Variants in KRT86 observed in about 807,000 individuals in gnomAD.
KRT86 encodes the protein keratin 86, also known as keratin, type II cuticular Hb6.
KRT86 carries 30 observed loss-of-function variants against 41.2 expected under a neutral mutation model. The observed-to-expected ratio is 0.73, with a 90% confidence interval of 0.54 to 0.99. The LOEUF (loss-of-function observed/expected upper bound fraction) is 0.99. Among genes scored for constraint, KRT86 ranks in the 50% least tolerant of loss-of-function variants. The pLI is 0.00. For missense variants in KRT86, 561 were observed against 571.4 expected (o/e 0.98, Z 0.19); for synonymous variants, 238 against 238.1 (o/e 1.00, Z 0.00).
chr12:52,280,275 C>T (rs1450973811), intron 2 of KRT86, among the ~76,000 whole-genome samples: 1 of 152,116 alleles, frequency 6.6e-6, no homozygotes, highest in Non-Finnish European at 1.5e-5. Flanking sequence ...CGAGTTTTTA[C>T]AAGGCATTGG....
intron 2 of KRT86, chr12:52,279,239 C>G (rs760495414): frequency 6.6e-6 from 1 of 152,366 alleles, no homozygotes. Context: ...CTTCCCGCCT[C>G]CCTCCGGAGA....
At chr12:52,307,737 G>A (rs1938548988) in intron 9 of KRT86, among the ~76,000 whole-genome samples, 1 of 152,198 alleles carries the variant, frequency 6.6e-6, no homozygotes, top group African/African-American at 2.4e-5. Flanking sequence ...TTTAGGTGGT[G>A]CAGGAAGGAA....
At chr12:52,301,866 C>T in intron 2 of KRT86, 47 bp from the exon 3 acceptor site, 2 of 1,613,640 alleles carry the variant, frequency 1.2e-6, no homozygotes, top group Non-Finnish European at 1.7e-6. Flanking sequence ...ACTGTGCTCT[C>T]CATTCGGACG....
At chr12:52,301,306 G>A (rs1938367614) in intron 2 of KRT86, among the ~76,000 whole-genome samples, 1 of 152,030 alleles carries the variant, frequency 6.6e-6, no homozygotes, top group Non-Finnish European at 1.5e-5. Context: ...TTTGGGAGTA[G>A]GTGTGGAGGA....
chr12:52,308,538 C>T lies in KRT86; in HGVS notation c.1414C>T (p.Pro472Ser). ...GGTGGGCACTACTAACGCCTGCGCC[C>T]CCTCCGCCCGGGTTGGCGTCTGCGG... ...VVVGTTNACA[P>S]SARVGVCGGS... Residue 472 changes from proline to serine, a missense_variant, in exon 11 of 11, where the codon CCC (proline) becomes TCC (serine). Physicochemically the swap from Pro to Ser is moderately conservative, Grantham distance 74. Coordinates refer to ENST00000423955, the MANE Select transcript of KRT86 (RefSeq NM_001320198.2). 6.2e-7 allele frequency: 1 copy of T among 1,601,980 alleles called. No homozygotes were observed. Among genetic ancestry groups the T allele is most frequent in the Non-Finnish European group, 8.5e-7 (1 of 1,179,820 alleles).
chr12:52,288,825 C>T (rs1332715906), intron 2 of KRT86, among the ~76,000 whole-genome samples: 10 of 152,086 alleles, frequency 6.6e-5, no homozygotes, highest in Non-Finnish European at 1.2e-4. Flanking sequence ...TTCTCCATCC[C>T]CCCTTAGACC....
intron 2 of KRT86, among the ~76,000 whole-genome samples, chr12:52,284,380 G>T (rs1481967966): frequency 2.6e-5 from 4 of 152,130 alleles, no homozygotes; most frequent in Non-Finnish European, 5.9e-5. Context: ...TATAGAGATA[G>T]AGTCTCACTG....
chr12:52,308,277 G>T lies in KRT86; in HGVS notation c.1279+13G>T, dbSNP rs759670371. The stretch of plus-strand genomic sequence containing the variant: ...TCGGTGAATGTCTGTAAGTAGTGGG[G>T]TCCGTCCCCTCCTCCCGCTGGGCGG... On this transcript the variant is annotated intron_variant, in intron 10 of 10. Transcript: ENST00000423955. 3 of 1,614,184 alleles carry T rather than the reference G, an allele frequency of 1.9e-6. No individual in the cohort carries two copies. The African/African-American group carries it at 4.0e-5, about 21-fold the overall frequency.
intron 2 of KRT86, among the ~76,000 whole-genome samples, chr12:52,295,351 AAGGCTC>A (rs1245854725): frequency 1.3e-5 from 2 of 152,162 alleles, no homozygotes; most frequent in African/African-American, 4.8e-5. Flanking sequence ...TAGGGAGGTT[AAGGCTC>A]AGGTTGCATG....
chr12:52,286,279 G>A (rs200814913), intron 2 of KRT86: 36 of 1,553,960 alleles, frequency 2.3e-5, no homozygotes, highest in South Asian at 2.0e-4. Flanking sequence ...AGCTGCTGCC[G>A]CAAGACCCCA....
intron 2 of KRT86, chr12:52,287,633 T>A (rs1312828246): frequency 6.2e-7 from 1 of 1,613,846 alleles, no homozygotes; most frequent in African/African-American, 1.3e-5. Flanking sequence ...CGTCAGCCTT[T>A]GGATCATGCG....
rs777336849 is a variant in KRT86, at chr12:52,304,971, G to A, written c.679G>A (p.Ala227Thr). Reference sequence around the variant, plus strand: ...CTACCTCCGCAAATCAGACCTGGAGGCCAATGTGGAGGCCCTGATCCAGGA... The same window carrying A: ...CTACCTCCGCAAATCAGACCTGGAGACCAATGTGGAGGCCCTGATCCAGGA... ...CAYLRKSDLE[A>T]NVEALIQEID... Residue 227 changes from alanine to threonine, a missense_variant, in exon 6 of 11, where the codon GCC becomes ACC. Around this residue, in one of 3 missense-constraint regions of KRT86, gnomAD observed 397 missense variants for 375.9 expected, o/e 1.06. Coordinates refer to ENST00000423955, the MANE Select transcript of KRT86 (RefSeq NM_001320198.2). The A allele has an allele frequency of 6.2e-7, 1 of 1,614,172 alleles. No homozygotes were observed. Among genetic ancestry groups the A allele is most frequent in the Non-Finnish European group, 8.5e-7 (1 of 1,180,030 alleles).
intron 2 of KRT86, chr12:52,287,065 G>A: frequency 1.2e-6 from 2 of 1,612,530 alleles, no homozygotes; most frequent in East Asian, 2.2e-5. Context: ...CCAGGGATGG[G>A]GAAGGGTGGT....
intron 2 of KRT86, chr12:52,291,120 T>G: frequency 1.2e-6 from 1 of 860,506 alleles, no homozygotes; most frequent in Non-Finnish European, 1.7e-6. Context: ...GCCGCGAACC[T>G]GCTGTTGAGG....
At chr12:52,306,653 C>G in intron 9 of KRT86, 1 of 388,052 alleles carries the variant, frequency 2.6e-6, no homozygotes, top group Non-Finnish European at 4.8e-6. Flanking sequence ...GCCCTGGCCC[C>G]ATCTAGACCT....
At chr12:52,276,915 G>T (rs761633144) in intron 2 of KRT86, among the ~76,000 whole-genome samples, 12 of 152,258 alleles carry the variant, frequency 7.9e-5, no homozygotes, top group Admixed American at 2.0e-4. Flanking sequence ...GCTTGGAAGG[G>T]TATTCATGGA....
At chr12:52,302,341 C>T (rs199749785) in intron 3 of KRT86, 56 bp downstream of exon 3, 73,098 of 488,074 alleles carry the variant, frequency 0.15, 5,953 homozygotes, top group South Asian at 0.24. Context: ...CAGCCAGGGC[C>T]GGGCACTAAG....
In KRT86 at chr12:52,308,223, C is replaced by T. The variant is rs751221123; in HGVS notation, c.1248-10C>T. On this transcript the variant is annotated splice_polypyrimidine_tract_variant and intron_variant, in intron 9 of 10. Transcript: ENST00000423955. ...CCGCGGCACTGACCTCTCGCCTTCT[C>T]TCCCTGCAGGCTGTGCGAGGGCGTC... 2 of 1,614,228 alleles carry T rather than the reference C, an allele frequency of 1.2e-6. No individual in the cohort carries two copies. Among genetic ancestry groups the T allele is most frequent in the South Asian group, 1.1e-5 (1 of 91,086 alleles).
At chr12:52,286,733 T>C (rs548620445) in intron 2 of KRT86, 2 of 1,560,702 alleles carry the variant, frequency 1.3e-6, no homozygotes, top group East Asian at 4.5e-5. Flanking sequence ...TTTTCCAAAC[T>C]CTGCCCTCCA....
Sources: gnomAD v4.1 joint callset for allele counts (sites outside exome capture counted in the v4.1 genomes callset) on GRCh38, gnomAD v4.1.1 for gene constraint, gnomAD v4.1.1 regional missense constraint, MANE v1.5 for transcripts, NCBI Gene and HGNC (gene_info 2026-07-23, HGNC 2026-07-21) for gene names.